Variants in NAA25 observed in about 807,000 individuals in gnomAD.
NAA25 encodes N-alpha-acetyltransferase 25, NatB auxiliary subunit, also known as N-terminal acetyltransferase B complex subunit NAA25.
Under a neutral mutation model 132.5 loss-of-function variants are expected in NAA25, and 30 were observed. That is an observed-to-expected ratio of 0.23 (90% CI 0.17 to 0.31). The LOEUF (loss-of-function observed/expected upper bound fraction) is 0.31, where lower values mean the gene tolerates loss of function less well. Among genes scored for constraint, NAA25 ranks in the 10% least tolerant of loss-of-function variants. The pLI is 1.00. For missense variants in NAA25, 771 were observed against 1,150.4 expected, an observed-to-expected ratio of 0.67 and a Z score of 4.77; for synonymous variants, 359 against 401.9, an observed-to-expected ratio of 0.89 and a Z score of 1.28.
intron 10 of NAA25, 42 bp from the exon 11 acceptor site, chr12:112,069,034 G>A (rs369646865): frequency 9.7e-5 from 107 of 1,105,656 alleles, no homozygotes; most frequent in Non-Finnish European, 1.4e-4. Context: ...CTCATGAACA[G>A]AAGCAATTTC....
intron 17 of NAA25, among the ~76,000 whole-genome samples, chr12:112,045,173 G>GTGGA (rs2078359986): frequency 6.6e-6 from 1 of 152,162 alleles, no homozygotes; most frequent in Non-Finnish European, 1.5e-5. Context: ...CTTTTGTAAT[G>GTGGA]TGGATGTATA....
intron 5 of NAA25, among the ~76,000 whole-genome samples, chr12:112,079,625 C>T (rs2078941469): frequency 6.6e-6 from 1 of 151,948 alleles, no homozygotes; most frequent in South Asian, 2.1e-4. Flanking sequence ...ACCAGACATG[C>T]GGTAAAGCTA....
chr12:112,106,259 C>T (rs1280015242), intron 1 of NAA25, among the ~76,000 whole-genome samples: 1 of 152,154 alleles, frequency 6.6e-6, no homozygotes, highest in East Asian at 1.9e-4. Context: ...GTGAAATGGA[C>T]ATGGTGTTTC....
chr12:112,102,259 GCTA>G (rs1224958008), intron 1 of NAA25, among the ~76,000 whole-genome samples: 3 of 152,116 alleles, frequency 2.0e-5, no homozygotes, highest in Non-Finnish European at 4.4e-5. Flanking sequence ...TGCAGTGCCA[GCTA>G]CTCCAGAGGC....
rs566328082 is a variant in NAA25, at chr12:112,063,609, T to C, written c.1150-2221A>G. The stretch of plus-strand genomic sequence containing the variant: ...TTTGGAATGGAAAGCATTTCTTACA[T>C]TGGTGAAGAGAAGGGTAGAGAGAAC... On this transcript the variant is annotated intron_variant, in intron 11 of 23. Coordinates refer to ENST00000261745, the MANE Select transcript of NAA25 (RefSeq NM_024953.4). Among the ~76,000 whole-genome samples the C allele has an allele frequency of 9.8e-5, 15 of 152,292 alleles. 1 individual carries two copies. Among genetic ancestry groups the C allele is most frequent in the African/African-American group, 2.6e-4 (11 of 41,552 alleles).
At chr12:112,083,822 C>A (rs546288249) in intron 4 of NAA25, among the ~76,000 whole-genome samples, 168 of 152,164 alleles carry the variant, frequency 1.1e-3, no homozygotes, top group Non-Finnish European at 2.2e-3. Flanking sequence ...ACTGCTTGAG[C>A]CCAGCAATTC....
intron 20 of NAA25, 24 bp downstream of exon 20, chr12:112,042,015 G>T: frequency 7.4e-7 from 1 of 1,355,850 alleles, no homozygotes. Context: ...TACAAATACA[G>T]GAATCTACAG....
chr12:112,079,551 G>A (rs772711213), intron 5 of NAA25, among the ~76,000 whole-genome samples: 3 of 151,422 alleles, frequency 2.0e-5, no homozygotes, highest in Non-Finnish European at 4.4e-5. Context: ...TCATGCCACT[G>A]CACTCCAGCT....
intron 10 of NAA25, among the ~76,000 whole-genome samples, chr12:112,071,419 C>T (rs2078806486): frequency 2.0e-5 from 3 of 152,144 alleles, no homozygotes; most frequent in African/African-American, 7.2e-5. Flanking sequence ...ATAACCTCTG[C>T]CTCCTGGACT....
chr12:112,107,393 G>C (rs73412716), intron 1 of NAA25, among the ~76,000 whole-genome samples: 2 of 147,810 alleles, frequency 1.4e-5, no homozygotes, highest in Non-Finnish European at 3.0e-5. Context: ...TTTTTTTTTT[G>C]TTGTTGTTGT....
intron 1 of NAA25, among the ~76,000 whole-genome samples, chr12:112,105,749 T>C (rs1278225893): frequency 6.6e-6 from 1 of 152,230 alleles, no homozygotes; most frequent in Non-Finnish European, 1.5e-5. Flanking sequence ...CTGAACTTGG[T>C]GAAGAGCTGA....
chr12:112,031,612 ACTCTTG>A (rs2078151545), intron 23 of NAA25, among the ~76,000 whole-genome samples: 1 of 152,016 alleles, frequency 6.6e-6, no homozygotes, highest in African/African-American at 2.4e-5. Context: ...GAAAACAAGA[ACTCTTG>A]CTCATCATTC....
At chr12:112,050,623 A>G (rs961317939) in intron 15 of NAA25, among the ~76,000 whole-genome samples, 1 of 152,014 alleles carries the variant, frequency 6.6e-6, no homozygotes, top group Non-Finnish European at 1.5e-5. Context: ...GATTCAAGCA[A>G]GTCTCCTGAC....
At chr12:112,087,653 A>G (rs372353370) in intron 4 of NAA25, 30 bp downstream of exon 4, 2 of 1,479,046 alleles carry the variant, frequency 1.4e-6, no homozygotes, top group East Asian at 2.3e-5. Context: ...AGTAAATCCC[A>G]TAGCCCAGTA....
chr12:112,036,635 G>A (rs1462475053), intron 22 of NAA25, among the ~76,000 whole-genome samples: 1 of 152,032 alleles, frequency 6.6e-6, no homozygotes, highest in Non-Finnish European at 1.5e-5. Flanking sequence ...GATCACCTGA[G>A]GTCAGGAGTT....
intron 22 of NAA25, chr12:112,034,817 A>AG (rs2078202614): frequency 6.6e-6 from 1 of 151,496 alleles, no homozygotes; most frequent in Non-Finnish European, 1.5e-5. Context: ...GTCTCAAAAA[A>AG]AAAAAAAAAA....
intron 15 of NAA25, among the ~76,000 whole-genome samples, chr12:112,052,090 T>C (rs893491700): frequency 5.9e-5 from 9 of 152,146 alleles, no homozygotes; most frequent in Non-Finnish European, 8.8e-5. Context: ...TCATCTCTCT[T>C]ATAAATACAG....
intron 16 of NAA25, among the ~76,000 whole-genome samples, chr12:112,048,052 C>G (rs1272199230): frequency 6.6e-6 from 1 of 152,148 alleles, no homozygotes; most frequent in Admixed American, 6.6e-5. Flanking sequence ...TTCGTAAGCA[C>G]AATATGGACC....
At chr12:112,090,689 G>A in intron 3 of NAA25, 37 bp downstream of exon 3, 3 of 1,592,400 alleles carry the variant, frequency 1.9e-6, no homozygotes, top group Non-Finnish European at 2.6e-6. Context: ...AAAATTTTCA[G>A]CTCAAGTTTA....
Sources: allele counts gnomAD v4.1 joint callset (sites outside exome capture counted in the v4.1 genomes callset), GRCh38; gene constraint gnomAD v4.1.1; transcripts MANE v1.5; gene names NCBI Gene and HGNC (gene_info 2026-07-23, HGNC 2026-07-21).